Variants in SHOC1 observed in about 807,000 individuals in gnomAD.
The protein encoded by SHOC1 is shortage in chiasmata 1, also known as protein shortage in chiasmata 1 ortholog.
A neutral mutation model predicts 179.2 loss-of-function variants in SHOC1; 136 were observed. That is an observed-to-expected ratio of 0.76 (90% CI 0.66 to 0.87). SHOC1 has a LOEUF of 0.87. Among genes scored for constraint, SHOC1 ranks in the 40% least tolerant of loss-of-function variants. The pLI is 0.00. For missense variants in SHOC1, 1,538 were observed against 1,700.8 expected, an observed-to-expected ratio of 0.90 and a Z score of 1.68; for synonymous variants, 489 against 586.6, an observed-to-expected ratio of 0.83 and a Z score of 2.41.
intron 1 of SHOC1, among the ~76,000 whole-genome samples, chr9:111,794,206 C>T (rs1836544926): frequency 6.6e-6 from 1 of 151,576 alleles, no homozygotes. Flanking sequence ...GGGCTGGCTT[C>T]CCACCTCTCC....
intron 1 of SHOC1, among the ~76,000 whole-genome samples, chr9:111,793,333 C>T (rs571744872): frequency 6.6e-6 from 1 of 152,302 alleles, no homozygotes; most frequent in East Asian, 1.9e-4. Context: ...AGCTTATTGT[C>T]AGCATTTATA....
intron 7 of SHOC1, among the ~76,000 whole-genome samples, chr9:111,757,009 C>A (rs1445234967): frequency 1.3e-5 from 2 of 151,456 alleles, no homozygotes; most frequent in East Asian, 3.9e-4. Flanking sequence ...ACCTTTTTAC[C>A]ATCATGTTAA....
chr9:111,746,216 G>A lies in SHOC1; in HGVS notation c.1079+18C>T, dbSNP rs77540603. On this transcript the variant is annotated intron_variant, in intron 10 of 27. Transcript: ENST00000682961. ...GTTCTGAATTGCAACATGGGTTCTA[G>A]ATATAATCTTTACTTACATTTTACA... 0.014 allele frequency: 21,159 copies of A among 1,471,534 alleles called. 234 individuals are homozygous for A. The highest frequency in any genetic ancestry group is 0.017 in the Non-Finnish European group (18,174 of 1,051,528). 91.2% of individuals were successfully genotyped at this position (1,471,534 alleles called of 1,614,324 possible).
At chr9:111,703,423 A>G (rs1832079328) in intron 22 of SHOC1, among the ~76,000 whole-genome samples, 1 of 152,162 alleles carries the variant, frequency 6.6e-6, no homozygotes, top group East Asian at 1.9e-4. Flanking sequence ...AAAATTCCAA[A>G]CTATATGAAT....
chr9:111,778,983 C>T (rs1337073495), intron 4 of SHOC1, among the ~76,000 whole-genome samples: 16 of 151,596 alleles, frequency 1.1e-4, no homozygotes, highest in South Asian at 2.1e-4. Context: ...CCTGTAATTC[C>T]GGCTACTCAG....
At chr9:111,758,519 GC>G (rs1365754900) in intron 6 of SHOC1, among the ~76,000 whole-genome samples, 175 bp downstream of exon 6, 1 of 152,214 alleles carries the variant, frequency 6.6e-6, no homozygotes, top group African/African-American at 2.4e-5. Flanking sequence ...TGCCCAGGAG[GC>G]GGAGGTTGCA....
At chr9:111,749,756 TAAGTG>T (rs1196684989) in intron 8 of SHOC1, among the ~76,000 whole-genome samples, 1 of 152,166 alleles carries the variant, frequency 6.6e-6, no homozygotes, top group Non-Finnish European at 1.5e-5. Context: ...CTCCCACTTA[TAAGTG>T]AGAACATGTG....
chr9:111,693,589 TAAATAAAATAAA>T (rs1831548093), intron 26 of SHOC1, among the ~76,000 whole-genome samples, 198 bp downstream of exon 26: 1 of 151,532 alleles, frequency 6.6e-6, no homozygotes, highest in South Asian at 2.1e-4. Flanking sequence ...GAAAAATAAA[TAAATAAAATAAA>T]AAATAAAATA....
At chr9:111,705,196 CATAT>C (rs1554710317) in intron 21 of SHOC1, 47 bp downstream of exon 21, 2 of 681,106 alleles carry the variant, frequency 2.9e-6, no homozygotes, top group South Asian at 2.2e-5. Flanking sequence ...CACACACACA[CATAT>C]ATATATAATG....
At chr9:111,765,055 C>A (rs1835293827) in intron 5 of SHOC1, among the ~76,000 whole-genome samples, 1 of 151,616 alleles carries the variant, frequency 6.6e-6, no homozygotes, top group Non-Finnish European at 1.5e-5. Flanking sequence ...GCGGGAGAAT[C>A]ACTTGAACCC....
At chr9:111,741,599 T>G in intron 10 of SHOC1, 29 bp from the exon 11 acceptor site, 2 of 1,150,658 alleles carry the variant, frequency 1.7e-6, no homozygotes, top group Non-Finnish European at 2.5e-6. Flanking sequence ...GTTTAATACA[T>G]TAATAATATT....
intron 24 of SHOC1, among the ~76,000 whole-genome samples, chr9:111,697,972 G>A (rs1831782021): frequency 6.6e-6 from 1 of 152,132 alleles, no homozygotes; most frequent in Non-Finnish European, 1.5e-5. Context: ...TGTGTCTGTT[G>A]GATGCATAAA....
intron 16 of SHOC1, among the ~76,000 whole-genome samples, chr9:111,715,190 C>T (rs17343377): frequency 0.039 from 5,927 of 152,160 alleles, 163 homozygotes; most frequent in Non-Finnish European, 0.053. Context: ...TAGATTATGT[C>T]CTAATGATTT....
Position 111,786,001 on chromosome 9 carries a change from A to T in SHOC1, c.80T>A (p.Leu27Ter). The part of the protein sequence containing the change: ...VVRKKFYRDA[L>*]LLRIPSCLYQ... ...TAAACATGAAGGGATTCGAAGCAAT[A>T]AAGCATCTCTGTAAAACTTCTTTCT... is the stretch of plus-strand genomic sequence containing the variant. Residue 27 changes from leucine to a stop codon, truncating the protein, a stop_gained, in exon 3 of 28, where the codon TTA becomes TAA. Transcript: ENST00000682961. LOFTEE classifies it high-confidence loss of function. 6.6e-7 allele frequency: 1 copy of T among 1,518,636 alleles called. No homozygotes were observed. The highest frequency in any genetic ancestry group is 8.8e-7 in the Non-Finnish European group (1 of 1,133,974). The allele number at this position is 1,518,636 out of a possible 1,614,324, so 94.1% of individuals were successfully genotyped here.
At chr9:111,767,724 A>C (rs1835409858) in intron 5 of SHOC1, among the ~76,000 whole-genome samples, 1 of 152,188 alleles carries the variant, frequency 6.6e-6, no homozygotes, top group African/African-American at 2.4e-5. Context: ...TTCTGTGGAG[A>C]ATATCATTGG....
chr9:111,776,820 G>A (rs1459526293), intron 4 of SHOC1, among the ~76,000 whole-genome samples: 3 of 152,178 alleles, frequency 2.0e-5, no homozygotes, highest in Non-Finnish European at 4.4e-5. Flanking sequence ...CCTTAGGGTG[G>A]TAACAACTTT....
chr9:111,713,030 G>T, intron 18 of SHOC1, 70 bp downstream of exon 18: 1 of 947,532 alleles, frequency 1.1e-6, no homozygotes, highest in Non-Finnish European at 1.6e-6. Flanking sequence ...TTTAAAAGCT[G>T]GTTAGATCAA....
At chr9:111,704,620 A>G (rs1393075555) in intron 21 of SHOC1, among the ~76,000 whole-genome samples, 8 of 152,228 alleles carry the variant, frequency 5.3e-5, no homozygotes, top group Non-Finnish European at 1.2e-4. Context: ...AGCATGGAAC[A>G]TACATCTGCA....
At chr9:111,788,089 A>G (rs1836326020) in intron 2 of SHOC1, among the ~76,000 whole-genome samples, 1 of 137,580 alleles carries the variant, frequency 7.3e-6, no homozygotes, top group Admixed American at 7.7e-5. Flanking sequence ...TTTTTGAGAC[A>G]GAGTCTCGCT....
Sources: gnomAD v4.1 joint callset for allele counts (sites outside exome capture counted in the v4.1 genomes callset) on GRCh38, gnomAD v4.1.1 for gene constraint, MANE v1.5 for transcripts, NCBI Gene and HGNC (gene_info 2026-07-23, HGNC 2026-07-21) for gene names.